The following TMEM132D variants were observed in gnomAD, a reference collection of about 807,000 sequenced individuals.
The protein encoded by TMEM132D is mature OL transmembrane protein.
TMEM132D carries 21 observed loss-of-function variants against 62.3 expected under a neutral mutation model. That is an observed-to-expected ratio of 0.34 (90% confidence interval 0.24 to 0.49). The LOEUF (loss-of-function observed/expected upper bound fraction) is 0.49, where lower values mean the gene tolerates loss of function less well. Ranked by LOEUF, TMEM132D falls within the 20% of genes least tolerant of loss-of-function variation. The pLI, the probability that TMEM132D is intolerant of heterozygous loss-of-function variation, is 0.99. For missense variants in TMEM132D, 1,346 were observed against 1,402.8 expected (o/e 0.96, Z 0.65); for synonymous variants, 621 against 575.6 (o/e 1.08, Z -1.13).
intron 2 of TMEM132D, among the ~76,000 whole-genome samples, chr12:129,606,416 C>T (rs908723709): frequency 6.6e-6 from 1 of 152,054 alleles, no homozygotes; most frequent in Non-Finnish European, 1.5e-5. Context: ...CTGCCGCAGC[C>T]CCGGAGCCAC....
chr12:129,199,400 C>A (rs1263965029), intron 5 of TMEM132D, among the ~76,000 whole-genome samples: 1 of 152,160 alleles, frequency 6.6e-6, no homozygotes, highest in Non-Finnish European at 1.5e-5. Flanking sequence ...CCACGCTCAG[C>A]TAACTCTAAT....
intron 1 of TMEM132D, among the ~76,000 whole-genome samples, chr12:129,849,519 A>G (rs1256346843): frequency 6.6e-6 from 1 of 152,240 alleles, no homozygotes; most frequent in Non-Finnish European, 1.5e-5. Flanking sequence ...ATGTGAACAC[A>G]GCTATAGATG....
chr12:129,825,232 G>T (rs1428533368), intron 1 of TMEM132D, among the ~76,000 whole-genome samples: 2 of 151,518 alleles, frequency 1.3e-5, no homozygotes, highest in Non-Finnish European at 2.9e-5. Context: ...TGGCCAGGCT[G>T]GTCTTGAACT....
intron 2 of TMEM132D, among the ~76,000 whole-genome samples, chr12:129,570,890 C>T (rs1256041811): frequency 1.3e-5 from 2 of 152,164 alleles, no homozygotes; most frequent in South Asian, 2.1e-4. Context: ...ATCCCTGAGA[C>T]GGGCTTAGTA....
At chr12:129,201,073 G>A (rs1878692527) in intron 5 of TMEM132D, among the ~76,000 whole-genome samples, 2 of 152,208 alleles carry the variant, frequency 1.3e-5, no homozygotes, top group Admixed American at 1.3e-4. Flanking sequence ...GTATAATAAA[G>A]CAGGTTCACC....
Position 129,700,710 on chromosome 12 carries a change from G to A in TMEM132D, c.80-12C>T, listed in dbSNP as rs773727176. On this transcript the variant is annotated splice_polypyrimidine_tract_variant and intron_variant, in intron 1 of 8. Transcript: ENST00000422113. ...TCGACCTTCCGTCACTGTGGGGAGG[G>A]AATCGCAGTGCAGGCGTTAGTAATG... The A allele has an allele frequency of 6.3e-7, 1 of 1,594,518 alleles. No homozygotes were observed. The highest frequency in any genetic ancestry group is 1.1e-5 in the South Asian group (1 of 88,784).
chr12:129,076,498 T>C (rs1231142405), intron 8 of TMEM132D, among the ~76,000 whole-genome samples: 2 of 152,220 alleles, frequency 1.3e-5, no homozygotes, highest in Non-Finnish European at 2.9e-5. Context: ...GAAGAAAGTC[T>C]CCTCAAATGT....
At chr12:129,140,085 A>G (rs557824102) in intron 5 of TMEM132D, among the ~76,000 whole-genome samples, 2 of 151,990 alleles carry the variant, frequency 1.3e-5, no homozygotes, top group Non-Finnish European at 2.9e-5. Flanking sequence ...TATTGTTCAC[A>G]TATGGTAAAA....
At chr12:129,789,657 G>C (rs1183706130) in intron 1 of TMEM132D, among the ~76,000 whole-genome samples, 2 of 152,204 alleles carry the variant, frequency 1.3e-5, no homozygotes, top group African/African-American at 2.4e-5. Context: ...CCACTTAGAA[G>C]TCTCTGACAT....
chr12:129,252,974 T>C (rs1880308362), intron 4 of TMEM132D, among the ~76,000 whole-genome samples: 1 of 137,426 alleles, frequency 7.3e-6, no homozygotes, highest in Non-Finnish European at 1.5e-5. Flanking sequence ...TTCTCACTCA[T>C]AGGTGGGAAT....
chr12:129,612,307 T>C lies in TMEM132D; in HGVS notation c.969-81102A>G, dbSNP rs573017843. ...CTCTCCTGCAGCTCTGCCCTTTCCATCCTCCCCCTTGTCAACATCCACAGT... is the reference window on the plus strand; with the variant it reads ...CTCTCCTGCAGCTCTGCCCTTTCCACCCTCCCCCTTGTCAACATCCACAGT... On this transcript the variant is annotated intron_variant, in intron 2 of 8. Transcript: ENST00000422113. Among the ~76,000 whole-genome samples the C allele has an allele frequency of 1.3e-5, 2 of 152,218 alleles. 1 individual carries two copies. Among genetic ancestry groups the C allele is most frequent in the African/African-American group, 4.8e-5 (2 of 41,542 alleles).
At chr12:129,718,094 C>T (rs1313549798) in intron 1 of TMEM132D, among the ~76,000 whole-genome samples, 1 of 152,242 alleles carries the variant, frequency 6.6e-6, no homozygotes. Context: ...CCAGGTTGAT[C>T]CCCTGCCCCT....
At chr12:129,835,741 C>T (rs142363180) in intron 1 of TMEM132D, among the ~76,000 whole-genome samples, 7 of 152,320 alleles carry the variant, frequency 4.6e-5, no homozygotes, top group Admixed American at 1.3e-4. Context: ...AATACTCACG[C>T]GCCTTCCCAT....
At chr12:129,704,220 G>A (rs1368366683) in intron 1 of TMEM132D, among the ~76,000 whole-genome samples, 4 of 152,196 alleles carry the variant, frequency 2.6e-5, no homozygotes, top group African/African-American at 9.7e-5. Flanking sequence ...CCTCAGCATG[G>A]TATTGTCATA....
chr12:129,892,266 C>T (rs1874949137), intron 1 of TMEM132D, among the ~76,000 whole-genome samples: 1 of 152,186 alleles, frequency 6.6e-6, no homozygotes, highest in East Asian at 1.9e-4. Context: ...ATACTAAGGC[C>T]CAAGAAAATT....
chr12:129,605,453 C>G (rs1332251618), intron 2 of TMEM132D, among the ~76,000 whole-genome samples: 1 of 151,724 alleles, frequency 6.6e-6, no homozygotes, highest in Non-Finnish European at 1.5e-5. Context: ...AAAATGGTCT[C>G]GTCTGATCTT....
chr12:129,748,702 A>T (rs1022416825), intron 1 of TMEM132D, among the ~76,000 whole-genome samples: 1 of 152,202 alleles, frequency 6.6e-6, no homozygotes, highest in Non-Finnish European at 1.5e-5. Flanking sequence ...GAGCAACAAA[A>T]ACCCACACGT....
chr12:129,327,091 T>C (rs1443719889), intron 4 of TMEM132D, among the ~76,000 whole-genome samples: 1 of 152,104 alleles, frequency 6.6e-6, no homozygotes, highest in South Asian at 2.1e-4. Flanking sequence ...GTGACAATAG[T>C]AGGTGCTTCT....
intron 5 of TMEM132D, among the ~76,000 whole-genome samples, chr12:129,156,336 T>C (rs7303192): frequency 0.99 from 150,447 of 152,110 alleles, 74,426 homozygotes; most frequent in East Asian, 1. Context: ...CATACTCCCA[T>C]GATAACCAAC....
Sources: allele counts gnomAD v4.1 joint callset (sites outside exome capture counted in the v4.1 genomes callset), GRCh38; gene constraint gnomAD v4.1.1; transcripts MANE v1.5; gene names NCBI Gene and HGNC (gene_info 2026-07-23, HGNC 2026-07-21).